The following MAP2K4 variants were observed in gnomAD, a reference collection of about 807,000 sequenced individuals.
MAP2K4 encodes the protein dual specificity mitogen-activated protein kinase kinase 4.
Under a neutral mutation model 48.5 loss-of-function variants are expected in MAP2K4, and 4 were observed. The observed-to-expected ratio is 0.08, with a 90% confidence interval of 0.04 to 0.19. The LOEUF is 0.19. Among genes scored for constraint, MAP2K4 ranks in the 10% least tolerant of loss-of-function variants. The pLI is 1.00. For missense variants in MAP2K4, 258 were observed against 493.3 expected, an observed-to-expected ratio of 0.52 and a Z score of 4.52; for synonymous variants, 166 against 173.1, an observed-to-expected ratio of 0.96 and a Z score of 0.32.
In MAP2K4 at chr17:12,093,476, A is replaced by G. The variant is rs186179920; in HGVS notation, c.394-2099A>G. 1.9e-3 allele frequency among the ~76,000 whole-genome samples: 289 copies of G among 152,294 alleles called. 2 individuals are homozygous for G. The highest frequency in any genetic ancestry group is 3.2e-3 in the Non-Finnish European group (215 of 68,020). On this transcript the variant is annotated intron_variant, in intron 3 of 10. Coordinates refer to ENST00000353533, the MANE Select transcript of MAP2K4 (RefSeq NM_003010.4). The stretch of plus-strand genomic sequence containing the variant: ...CTCCCAAAAGTCAGTTATTGATGAT[A>G]ACTGTTGAGGTTTTGACTGTAATAT...
intron 4 of MAP2K4, among the ~76,000 whole-genome samples, chr17:12,106,551 A>G (rs1972118616): frequency 6.6e-6 from 1 of 152,142 alleles, no homozygotes; most frequent in African/African-American, 2.4e-5. Context: ...TTTACTTTTA[A>G]CAGGCATTAA....
At chr17:12,112,639 G>T (rs903204022) in intron 6 of MAP2K4, among the ~76,000 whole-genome samples, 13 of 152,036 alleles carry the variant, frequency 8.6e-5, no homozygotes, top group African/African-American at 3.1e-4. Flanking sequence ...TATTCATTGA[G>T]CCAGGATAGT....
intron 4 of MAP2K4, among the ~76,000 whole-genome samples, chr17:12,104,591 C>T (rs1247073253): frequency 6.6e-6 from 1 of 151,738 alleles, no homozygotes; most frequent in Non-Finnish European, 1.5e-5. Context: ...TGATATAATT[C>T]TACTGAGTTT....
intron 2 of MAP2K4, among the ~76,000 whole-genome samples, chr17:12,061,267 A>G (rs1339953418): frequency 1.3e-5 from 2 of 152,192 alleles, no homozygotes; most frequent in East Asian, 1.9e-4. Context: ...GCTCTAGTAA[A>G]TAATGATGCT....
intron 2 of MAP2K4, among the ~76,000 whole-genome samples, chr17:12,075,569 G>T (rs1440378431): frequency 6.6e-6 from 1 of 152,162 alleles, no homozygotes; most frequent in Non-Finnish European, 1.5e-5. Context: ...AAGGCTCAGG[G>T]GCGCTATCTC....
At chr17:12,093,836 C>A (rs1971642779) in intron 3 of MAP2K4, among the ~76,000 whole-genome samples, 1 of 151,934 alleles carries the variant, frequency 6.6e-6, no homozygotes, top group African/African-American at 2.4e-5. Context: ...AAATAATTAC[C>A]TTCCTAAATT....
chr17:12,087,597 G>A (rs145139576), intron 3 of MAP2K4, among the ~76,000 whole-genome samples: 99 of 151,188 alleles, frequency 6.5e-4, no homozygotes, highest in Non-Finnish European at 1.3e-3. Flanking sequence ...TATCCCCAGT[G>A]AGAAGAATGG....
In MAP2K4 at chr17:12,020,908, G is replaced by A; in HGVS notation, c.22G>A (p.Gly8Ser). 1 of 1,193,130 alleles carries A rather than the reference G, an allele frequency of 8.4e-7. No homozygotes were observed. The allele number at this position is 1,193,130 out of a possible 1,614,324, so 73.9% of individuals were successfully genotyped here. A position where few individuals can be genotyped will look rare whatever the true frequency, so the allele number is the denominator to read the frequency against. MAAPSPSGGGGSGGGSGS... is the reference protein window; with the variant it reads MAAPSPSSGGGSGGGSGS... ...AACAATGGCGGCTCCGAGCCCGAGC[G>A]GCGGCGGCGGCTCCGGGGGCGGCAG... The change falls in exon 1 of 11, where the codon GGC becomes AGC. Residue 8 changes from glycine to serine, a missense_variant. By Grantham distance (56) the Gly-to-Ser change is moderately conservative. Around this residue, in one of 3 missense-constraint regions of MAP2K4, gnomAD observed 69 missense variants for 56.2 expected, o/e 1.23. Transcript: ENST00000353533.
chr17:12,067,179 TTAAC>T (rs1462023486), intron 2 of MAP2K4, among the ~76,000 whole-genome samples: 1 of 152,238 alleles, frequency 6.6e-6, no homozygotes, highest in African/African-American at 2.4e-5. Context: ...TATTATATAT[TTAAC>T]TAGTTCCTTA....
intron 1 of MAP2K4, among the ~76,000 whole-genome samples, chr17:12,024,075 G>A (rs1969180171): frequency 6.6e-6 from 1 of 152,046 alleles, no homozygotes; most frequent in African/African-American, 2.4e-5. Flanking sequence ...TCTCTAACCT[G>A]TTGATTTCCC....
intron 2 of MAP2K4, among the ~76,000 whole-genome samples, chr17:12,062,310 G>A (rs951255421): frequency 6.6e-6 from 1 of 152,024 alleles, no homozygotes; most frequent in Non-Finnish European, 1.5e-5. Flanking sequence ...TATTTCTCAA[G>A]CTTTTTGGGT....
intron 3 of MAP2K4, among the ~76,000 whole-genome samples, chr17:12,090,032 C>G (rs1971511671): frequency 6.6e-6 from 1 of 152,160 alleles, no homozygotes; most frequent in African/African-American, 2.4e-5. Context: ...TGTTCAGATC[C>G]TAGGAACTGA....
chr17:12,114,738 G>A (rs1246240509), intron 7 of MAP2K4, among the ~76,000 whole-genome samples: 3 of 152,092 alleles, frequency 2.0e-5, no homozygotes, highest in African/African-American at 7.2e-5. Flanking sequence ...GATTGAAGCA[G>A]GCTTTGAAAA....
chr17:12,104,778 G>C (rs759375745), intron 4 of MAP2K4, among the ~76,000 whole-genome samples: 1 of 152,060 alleles, frequency 6.6e-6, no homozygotes. Flanking sequence ...TATCCTTTGT[G>C]ATTTGTTGTT....
intron 3 of MAP2K4, among the ~76,000 whole-genome samples, chr17:12,088,426 TATA>T (rs1971435484): frequency 7.8e-6 from 1 of 128,586 alleles, no homozygotes; most frequent in Non-Finnish European, 1.6e-5. Flanking sequence ...ATAAATTATA[TATA>T]ATATATTACA....
chr17:12,113,410 C>A (rs745405973), intron 7 of MAP2K4, 50 bp downstream of exon 7: 1 of 1,590,644 alleles, frequency 6.3e-7, no homozygotes, highest in Non-Finnish European at 8.6e-7. Context: ...GCACAGAGAG[C>A]CTGTGCTCTT....
rs1969010043 is a variant in MAP2K4, at chr17:12,020,941, G to A, written c.55G>A (p.Gly19Ser). The change falls in exon 1 of 11, where the codon GGC becomes AGC. Residue 19 changes from glycine (G) to serine (S), a missense_variant. Around this residue, in one of 3 missense-constraint regions of MAP2K4, gnomAD observed 69 missense variants for 56.2 expected, o/e 1.23. Coordinates refer to ENST00000353533, the MANE Select transcript of MAP2K4 (RefSeq NM_003010.4). ...GGGSGGGSGSGTPGPVGSPAP... is the reference protein window; with the variant it reads ...GGGSGGGSGSSTPGPVGSPAP... ...CGGCTCCGGGGGCGGCAGCGGCAGC[G>A]GCACCCCCGGCCCCGTAGGGTCCCC... is the stretch of plus-strand genomic sequence containing the variant. 3.3e-6 allele frequency: 4 copies of A among 1,215,286 alleles called. No individual in the cohort carries two copies. Among genetic ancestry groups the A allele is most frequent in the African/African-American group, 3.1e-5 (2 of 63,558 alleles). 75.3% of individuals were successfully genotyped at this position (1,215,286 alleles called of 1,614,324 possible). A position where few individuals can be genotyped will look rare whatever the true frequency, so the allele number is the denominator to read the frequency against.
chr17:12,024,982 T>C (rs886591509), intron 1 of MAP2K4, among the ~76,000 whole-genome samples: 8 of 152,304 alleles, frequency 5.3e-5, no homozygotes, highest in African/African-American at 1.9e-4. Flanking sequence ...GGTTGGCATG[T>C]TAGAGAATAG....
intron 2 of MAP2K4, among the ~76,000 whole-genome samples, chr17:12,055,351 A>ATAT (rs1433077706): frequency 6.6e-6 from 1 of 152,114 alleles, no homozygotes; most frequent in Non-Finnish European, 1.5e-5. Flanking sequence ...AATAGAAATG[A>ATAT]TATTGTAGCA....
Sources: allele counts gnomAD v4.1 joint callset (sites outside exome capture counted in the v4.1 genomes callset), GRCh38; gene constraint gnomAD v4.1.1; regional missense constraint gnomAD v4.1.1; transcripts MANE v1.5; gene names NCBI Gene and HGNC (gene_info 2026-07-23, HGNC 2026-07-21).